CACNB2: variants seen among roughly 807,000 people sequenced by gnomAD.
CACNB2 encodes the protein voltage-dependent L-type calcium channel subunit beta-2.
A neutral mutation model predicts 73.3 loss-of-function variants in CACNB2; 42 were observed. The observed-to-expected ratio is 0.57, with a 90% CI of 0.45 to 0.74. The LOEUF is 0.74. Ranked by LOEUF, CACNB2 falls within the 30% of genes least tolerant of loss-of-function variation. CACNB2 has a pLI of 0.00. For synonymous variants in CACNB2, 348 were observed against 310.3 expected (o/e 1.12, Z -1.28); for missense variants, 940 against 853.0 (o/e 1.10, Z -1.27).
chr10:18,488,088 C>T (rs1341528155), intron 3 of CACNB2, among the ~76,000 whole-genome samples: 2 of 151,232 alleles, frequency 1.3e-5, no homozygotes, highest in East Asian at 2.0e-4. Flanking sequence ...GGATTACATG[C>T]GTGAGCCACC....
intron 3 of CACNB2, among the ~76,000 whole-genome samples, chr10:18,433,239 G>A (rs11014211): frequency 0.14 from 21,565 of 152,046 alleles, 1,821 homozygotes; most frequent in East Asian, 0.24. Context: ...CAAGGGGACC[G>A]GCATATTCCC....
At chr10:18,172,571 T>C (rs1328388591) in intron 2 of CACNB2, among the ~76,000 whole-genome samples, 3 of 152,086 alleles carry the variant, frequency 2.0e-5, no homozygotes, top group Non-Finnish European at 4.4e-5. Flanking sequence ...GTGTCAGAGC[T>C]AGGAAGTGGC....
At chr10:18,268,678 A>G (rs2037917810) in intron 2 of CACNB2, among the ~76,000 whole-genome samples, 1 of 152,220 alleles carries the variant, frequency 6.6e-6, no homozygotes, top group Non-Finnish European at 1.5e-5. Flanking sequence ...CTTTTACATC[A>G]TTAAGTATGT....
chr10:18,486,848 G>C (rs1190062077), intron 3 of CACNB2, among the ~76,000 whole-genome samples: 1 of 152,168 alleles, frequency 6.6e-6, no homozygotes, highest in Non-Finnish European at 1.5e-5. Flanking sequence ...ATTGTGTGGG[G>C]TAAATATGTG....
At chr10:18,321,591 C>G (rs750265226) in intron 2 of CACNB2, among the ~76,000 whole-genome samples, 3 of 152,186 alleles carry the variant, frequency 2.0e-5, no homozygotes, top group South Asian at 4.1e-4. Flanking sequence ...ACACCCCATG[C>G]TCCGTGATGT....
At chr10:18,497,617 G>A (rs2133003086) in intron 3 of CACNB2, among the ~76,000 whole-genome samples, 1 of 152,082 alleles carries the variant, frequency 6.6e-6, no homozygotes, top group East Asian at 1.9e-4. Flanking sequence ...GTGAGAAGAG[G>A]TCTTGCTATG....
rs181406934 is a variant in CACNB2, at chr10:18,398,568, G to A, written c.214-3356G>A. Among the ~76,000 whole-genome samples, 5 of 152,140 alleles carry A rather than the reference G, an allele frequency of 3.3e-5. No homozygotes were observed. In the East Asian group the frequency reaches 9.7e-4, roughly 29 times the overall value. ...TGCTTGTATTCCCAGCTGCTTGGGA[G>A]GCTGAAGCCGGAGGATCACTTTCGC... On this transcript the variant is annotated intron_variant, in intron 2 of 13. Coordinates refer to ENST00000324631, the MANE Select transcript of CACNB2 (RefSeq NM_201596.3).
chr10:18,220,230 TATAGAGAG>T (rs1343189786), intron 2 of CACNB2, among the ~76,000 whole-genome samples: 437 of 34,368 alleles, frequency 0.013, 2 homozygotes, highest in Non-Finnish European at 0.015. Flanking sequence ...TATATATATA[TATAGAGAG>T]AGAGAGAGAG....
At position 18,371,094 on chromosome 10, in the gene CACNB2, T is replaced by A. The variant is rs556407426; in HGVS notation, c.214-30830T>A. On this transcript the variant is annotated intron_variant, in intron 2 of 13. Coordinates refer to ENST00000324631, the MANE Select transcript of CACNB2 (RefSeq NM_201596.3). The stretch of plus-strand genomic sequence containing the variant: ...TAGACTTCCAACAGCCAGCAATGTT[T>A]GAGTTCCACTGTATTACTATTATTT... Among the ~76,000 whole-genome samples, 20 of 152,348 alleles carry A rather than the reference T, an allele frequency of 1.3e-4. No homozygotes were observed. In the East Asian group the frequency reaches 2.1e-3, roughly 16 times the overall value.
chr10:18,147,315 A>T (rs1257887679), intron 1 of CACNB2, among the ~76,000 whole-genome samples: 1 of 152,056 alleles, frequency 6.6e-6, no homozygotes, highest in African/African-American at 2.4e-5. Context: ...TTTCTTAAGA[A>T]TTTTTTTCCC....
chr10:18,228,033 G>A (rs577010395), intron 2 of CACNB2, among the ~76,000 whole-genome samples: 5 of 152,250 alleles, frequency 3.3e-5, no homozygotes, highest in Admixed American at 3.3e-4. Context: ...ATTCTTTCAG[G>A]GTAGGGGACA....
intron 3 of CACNB2, among the ~76,000 whole-genome samples, chr10:18,451,932 T>C (rs78433854): frequency 6.6e-6 from 1 of 152,190 alleles, no homozygotes; most frequent in East Asian, 1.9e-4. Context: ...GTATTCAGTT[T>C]AGCTCATAAC....
In CACNB2 at chr10:18,540,456, T is replaced by C. The variant is rs1290065397; in HGVS notation, c.*732T>C. ...TCAGGAAATTTGTAATAACATTGTCTAGACACCTATCCTCATTCTAGTAGA... is the reference window on the plus strand; with the variant it reads ...TCAGGAAATTTGTAATAACATTGTCCAGACACCTATCCTCATTCTAGTAGA... On this transcript the variant is annotated 3_prime_UTR_variant, in exon 14 of 14. Coordinates refer to ENST00000324631, the MANE Select transcript of CACNB2 (RefSeq NM_201596.3). 3 of 152,564 alleles carry C rather than the reference T, an allele frequency of 2.0e-5. No homozygotes were observed. Among genetic ancestry groups the C allele is most frequent in the Non-Finnish European group, 4.4e-5 (3 of 68,030 alleles). 9.5% of individuals were successfully genotyped at this position (152,564 alleles called of 1,614,324 possible).
chr10:18,212,591 A>G (rs2035361263), intron 2 of CACNB2, among the ~76,000 whole-genome samples: 1 of 151,922 alleles, frequency 6.6e-6, no homozygotes. Flanking sequence ...TACTGCTAAT[A>G]TTTTTTTAAA....
intron 3 of CACNB2, among the ~76,000 whole-genome samples, chr10:18,435,601 C>T (rs773221953): frequency 9.2e-5 from 14 of 151,900 alleles, no homozygotes; most frequent in Admixed American, 2.6e-4. Context: ...CAGGCTCAAG[C>T]GATCCTCCCT....
intron 2 of CACNB2, among the ~76,000 whole-genome samples, chr10:18,275,725 A>G (rs1261230177): frequency 1.3e-5 from 2 of 152,216 alleles, no homozygotes; most frequent in Admixed American, 1.3e-4. Flanking sequence ...TCTCCCATGC[A>G]ACTCATCATG....
chr10:18,538,293 C>G lies in CACNB2; in HGVS notation c.1416C>G (p.Pro472=). The G allele has an allele frequency of 1.2e-6, 2 of 1,614,178 alleles. No individual in the cohort carries two copies. Residue 472 remains proline, a synonymous_variant, in exon 13 of 14, where the codon CCC becomes CCG. Coordinates refer to ENST00000324631, the MANE Select transcript of CACNB2 (RefSeq NM_201596.3). ...CCCATCCTCCCAGCAGTAGCCTCCC[C>G]AACCCTCTCCTTAGCCGTACATTAG... The part of the protein sequence containing the change: ...KATHPPSSSL[P]NPLLSRTLAT...
intron 3 of CACNB2, among the ~76,000 whole-genome samples, chr10:18,425,621 T>C (rs917166515): frequency 1.3e-4 from 20 of 152,216 alleles, no homozygotes; most frequent in African/African-American, 4.8e-4. Flanking sequence ...TGAGCCGACA[T>C]TGGACCACTG....
chr10:18,391,683 T>C (rs1427250631), intron 2 of CACNB2, among the ~76,000 whole-genome samples: 1 of 151,984 alleles, frequency 6.6e-6, no homozygotes, highest in Non-Finnish European at 1.5e-5. Context: ...TCCCAGCACT[T>C]TGGGAGGCCG....
Sources: gnomAD v4.1 joint callset for allele counts (sites outside exome capture counted in the v4.1 genomes callset) on GRCh38, gnomAD v4.1.1 for gene constraint, MANE v1.5 for transcripts, NCBI Gene and HGNC (gene_info 2026-07-23, HGNC 2026-07-21) for gene names.